The following KIFC3 variants were observed in gnomAD, a reference collection of about 807,000 sequenced individuals.
KIFC3 encodes kinesin-like protein KIFC3.
A neutral mutation model predicts 101.8 loss-of-function variants in KIFC3; 60 were observed. The ratio of observed to expected loss-of-function variants is 0.59; its 90% CI spans 0.48 to 0.73. KIFC3 has a LOEUF of 0.73. Ranked by LOEUF, KIFC3 falls within the 30% of genes least tolerant of loss-of-function variation. KIFC3 has a pLI of 0.00. For synonymous variants in KIFC3, 476 were observed against 482.7 expected (o/e 0.99, Z 0.18); for missense variants, 966 against 1,137.1 (o/e 0.85, Z 2.16).
At chr16:57,821,094 G>C (rs1306747345) in intron 1 of KIFC3, among the ~76,000 whole-genome samples, 1 of 151,362 alleles carries the variant, frequency 6.6e-6, no homozygotes, top group Non-Finnish European at 1.5e-5. Flanking sequence ...TTACACCATT[G>C]CACTCCAGCC....
intron 1 of KIFC3, among the ~76,000 whole-genome samples, chr16:57,842,571 C>T (rs900219420): frequency 5.9e-5 from 9 of 152,180 alleles, no homozygotes; most frequent in Non-Finnish European, 1.3e-4. Context: ...AATTCAATTT[C>T]GTAATTCAGT....
chr16:57,821,586 T>C (rs1341294199), intron 1 of KIFC3, among the ~76,000 whole-genome samples: 1 of 152,216 alleles, frequency 6.6e-6, no homozygotes, highest in Non-Finnish European at 1.5e-5. Flanking sequence ...TCCTAAGTGC[T>C]GAAGACTAAT....
chr16:57,780,972 G>A (rs2052667063), intron 3 of KIFC3, among the ~76,000 whole-genome samples: 1 of 151,830 alleles, frequency 6.6e-6, no homozygotes, highest in Admixed American at 6.6e-5. Flanking sequence ...ACCACACCTG[G>A]CCTGAAAACA....
intron 1 of KIFC3, among the ~76,000 whole-genome samples, chr16:57,851,937 C>T (rs62039947): frequency 0.099 from 14,975 of 151,990 alleles, 722 homozygotes; most frequent in South Asian, 0.17. Flanking sequence ...GATGGGGTTT[C>T]TCCATGTTGG....
intron 9 of KIFC3, among the ~76,000 whole-genome samples, chr16:57,768,829 T>C (rs1460635426): frequency 3.9e-5 from 6 of 152,212 alleles, no homozygotes; most frequent in East Asian, 1.9e-4. Context: ...TATTCTCATA[T>C]GTACAAGTAC....
upstream of KIFC3, chr16:57,802,955 A>G: frequency 6.5e-7 from 1 of 1,534,430 alleles, no homozygotes; most frequent in East Asian, 2.4e-5. This position sits in a 1 kb window ranked among gnomAD's most constrained non-coding sequence, Gnocchi z 5.0. Flanking sequence ...ACAAGCTCTT[A>G]CTCACGAGAC....
At chr16:57,771,462 T>A in intron 5 of KIFC3, 25 bp from the exon 6 acceptor site, 1 of 1,613,336 alleles carries the variant, frequency 6.2e-7, no homozygotes, top group Non-Finnish European at 8.5e-7. Context: ...AGGCACTGGA[T>A]GAGTGCAAGG....
intron 1 of KIFC3, among the ~76,000 whole-genome samples, chr16:57,858,515 C>T (rs951411601): frequency 5.9e-5 from 9 of 152,150 alleles, no homozygotes; most frequent in African/African-American, 1.9e-4. Context: ...ACAGTCAGTG[C>T]ACATCATGAC....
At chr16:57,803,537 G>T (rs1034949133), upstream of KIFC3, 59 of 379,904 alleles carry the variant, frequency 1.6e-4, no homozygotes, top group East Asian at 2.2e-4. Context: ...GACTGGAGGG[G>T]GTCGGGCAAC....
chr16:57,782,291 C>T, intron 3 of KIFC3: 1 of 295,650 alleles, frequency 3.4e-6, no homozygotes, highest in Non-Finnish European at 5.0e-6. Context: ...CCTACAGCTG[C>T]CCAGCTGGCA....
At chr16:57,826,071 C>A (rs569108137) in intron 1 of KIFC3, among the ~76,000 whole-genome samples, 13 of 152,366 alleles carry the variant, frequency 8.5e-5, no homozygotes, top group African/African-American at 2.6e-4. Context: ...CACCCTTAAC[C>A]TCCGTCCTCT....
intron 3 of KIFC3, chr16:57,782,003 G>A (rs2052790653): frequency 1.0e-6 from 1 of 985,378 alleles, no homozygotes; most frequent in Non-Finnish European, 1.2e-6. Context: ...CTGGAAACAC[G>A]GCACCATGGA....
chr16:57,804,314 C>T (rs1208813035), upstream of KIFC3, among the ~76,000 whole-genome samples: 1 of 152,056 alleles, frequency 6.6e-6, no homozygotes, highest in Non-Finnish European at 1.5e-5. Flanking sequence ...AACAAAATCC[C>T]ATTTAACCCT....
intron 3 of KIFC3, among the ~76,000 whole-genome samples, chr16:57,790,054 T>TTC (rs2053722397): frequency 8.4e-6 from 1 of 119,034 alleles, no homozygotes; most frequent in Non-Finnish European, 1.7e-5. Flanking sequence ...TTTGCTTTCT[T>TTC]TTTCTTTCTT....
At chr16:57,766,440 T>C (rs1182575024) in intron 10 of KIFC3, among the ~76,000 whole-genome samples, 1 of 152,178 alleles carries the variant, frequency 6.6e-6, no homozygotes, top group Admixed American at 6.5e-5. Flanking sequence ...CGGGAGGCAG[T>C]CTGTGGGGCC....
intron 1 of KIFC3, among the ~76,000 whole-genome samples, chr16:57,849,534 G>T (rs1268320191): frequency 6.6e-6 from 1 of 152,166 alleles, no homozygotes; most frequent in African/African-American, 2.4e-5. Context: ...TACAGAGTTG[G>T]TGCCCTTTGT....
chr16:57,844,322 C>T (rs1448246870), intron 1 of KIFC3, among the ~76,000 whole-genome samples: 6 of 145,854 alleles, frequency 4.1e-5, no homozygotes, highest in South Asian at 2.3e-4. Context: ...CCCAGCTACT[C>T]GGGAGGGTGA....
chr16:57,829,535 G>C (rs183405169), intron 1 of KIFC3, among the ~76,000 whole-genome samples: 50 of 152,292 alleles, frequency 3.3e-4, no homozygotes, highest in African/African-American at 1.2e-3. Context: ...GATTACAGGC[G>C]TGAGCCACCA....
At chr16:57,811,235 G>A (rs1349916811) in intron 1 of KIFC3, among the ~76,000 whole-genome samples, 1 of 152,196 alleles carries the variant, frequency 6.6e-6, no homozygotes, top group Non-Finnish European at 1.5e-5. Flanking sequence ...ACTATGAATG[G>A]GGCTTCTTTG....
Sources: gnomAD v4.1 joint callset for allele counts (sites outside exome capture counted in the v4.1 genomes callset) on GRCh38, gnomAD v4.1.1 for gene constraint, Gnocchi (gnomAD v3.1) non-coding constraint, MANE v1.5 for transcripts, NCBI Gene and HGNC (gene_info 2026-07-23, HGNC 2026-07-21) for gene names.